Variants in MMP26 observed in about 807,000 individuals in gnomAD.
The protein encoded by MMP26 is matrix metallopeptidase 26, also known as matrix metalloproteinase-26.
In MMP26, 33 loss-of-function variants were observed where a neutral mutation model predicts 31.0. That is an observed-to-expected ratio of 1.06 (90% CI 0.81 to 1.42). MMP26 has a LOEUF of 1.42. MMP26 is among the 40% of genes most tolerant of loss of function. The pLI is 0.00. For synonymous variants in MMP26, 122 were observed against 114.9 expected (o/e 1.06, Z -0.40); for missense variants, 347 against 316.1 (o/e 1.10, Z -0.74).
At chr11:4,742,873 T>C (rs1242323299) in intron 1 of MMP26, among the ~76,000 whole-genome samples, 1 of 152,178 alleles carries the variant, frequency 6.6e-6, no homozygotes, top group African/African-American at 2.4e-5. Flanking sequence ...AATTATTTCA[T>C]TGAATTTAAA....
At chr11:4,758,252 T>G (rs1848529103) in intron 1 of MMP26, among the ~76,000 whole-genome samples, 1 of 152,116 alleles carries the variant, frequency 6.6e-6, no homozygotes, top group Admixed American at 6.5e-5. Flanking sequence ...TGCAGGATAT[T>G]ACATATTGTA....
intron 2 of MMP26, among the ~76,000 whole-genome samples, chr11:4,936,860 G>A (rs16907537): frequency 0.1 from 15,589 of 152,118 alleles, 931 homozygotes; most frequent in Middle Eastern, 0.23. Flanking sequence ...TTTGCAGTTT[G>A]AATTTACATC....
At chr11:4,711,663 G>C (rs1847863749) in intron 1 of MMP26, 1 of 152,132 alleles carries the variant, frequency 6.6e-6, no homozygotes, top group African/African-American at 2.4e-5. Context: ...ATGTGGTCCA[G>C]CATCTGTGCA....
chr11:4,748,563 T>C (rs893161301), intron 1 of MMP26, among the ~76,000 whole-genome samples: 12 of 129,568 alleles, frequency 9.3e-5, no homozygotes, highest in African/African-American at 2.8e-4. Context: ...GCAAACTGAA[T>C]CAAACAGCAC....
chr11:4,717,974 G>C (rs1847958186), intron 1 of MMP26, among the ~76,000 whole-genome samples: 1 of 152,158 alleles, frequency 6.6e-6, no homozygotes, highest in Admixed American at 6.5e-5. Context: ...TTATACATAA[G>C]TATATGTTTT....
chr11:4,946,456 A>T, intron 2 of MMP26: 1 of 1,609,562 alleles, frequency 6.2e-7, no homozygotes, highest in Non-Finnish European at 8.5e-7. Context: ...AAGACACAGC[A>T]ATGAGAATAA....
intron 2 of MMP26, chr11:4,914,608 A>G: frequency 1.4e-6 from 1 of 740,630 alleles, no homozygotes; most frequent in Non-Finnish European, 2.2e-6. Flanking sequence ...ATCCCTGTAC[A>G]TGTTTGTTGA....
chr11:4,782,663 T>A (rs1459247049), intron 2 of MMP26, among the ~76,000 whole-genome samples: 1 of 152,170 alleles, frequency 6.6e-6, no homozygotes, highest in Non-Finnish European at 1.5e-5. Context: ...CTCCAGGGCA[T>A]GTCAGAGACC....
intron 2 of MMP26, among the ~76,000 whole-genome samples, chr11:4,804,985 AT>A (rs1413795047): frequency 5.2e-4 from 78 of 151,152 alleles, no homozygotes; most frequent in African/African-American, 1.6e-3. Context: ...AAAAAAAAAA[AT>A]GAATCAATAT....
At chr11:4,874,562 G>A (rs922312581) in intron 2 of MMP26, among the ~76,000 whole-genome samples, 1 of 124,242 alleles carries the variant, frequency 8.0e-6, no homozygotes, top group Non-Finnish European at 2.0e-5. Flanking sequence ...TGTGTGGTGT[G>A]TTGGTGTGTG....
chr11:4,722,149 C>T (rs1848021231), intron 1 of MMP26, among the ~76,000 whole-genome samples: 2 of 152,178 alleles, frequency 1.3e-5, no homozygotes, highest in Admixed American at 1.3e-4. Context: ...CCAGTTAAAC[C>T]TCTTTTCTTT....
chr11:4,786,493 CTTTTTTTTTT>C (rs66987352), intron 2 of MMP26, among the ~76,000 whole-genome samples: 35 of 60,366 alleles, frequency 5.8e-4, no homozygotes, highest in African/African-American at 2.0e-3. Flanking sequence ...TCTGCTGATC[CTTTTTTTTTT>C]TTTTTTTTTT....
At chr11:4,842,830 C>T (rs917090672) in intron 2 of MMP26, among the ~76,000 whole-genome samples, 4 of 152,178 alleles carry the variant, frequency 2.6e-5, no homozygotes, top group Non-Finnish European at 5.9e-5. Flanking sequence ...AAGTTTCTCA[C>T]ACTGGTGAAC....
intron 1 of MMP26, among the ~76,000 whole-genome samples, chr11:4,730,927 C>A (rs1016183302): frequency 5.3e-5 from 8 of 152,138 alleles, no homozygotes; most frequent in African/African-American, 1.2e-4. Context: ...ATGCACCATT[C>A]TTTATTATTT....
chr11:4,974,731 G>A (rs1846712922), intron 2 of MMP26, among the ~76,000 whole-genome samples: 1 of 152,038 alleles, frequency 6.6e-6, no homozygotes, highest in African/African-American at 2.4e-5. Context: ...ATCCTAGGAA[G>A]GATTTTTATG....
At chr11:4,846,889 A>T (rs1164646963) in intron 2 of MMP26, among the ~76,000 whole-genome samples, 1 of 152,150 alleles carries the variant, frequency 6.6e-6, no homozygotes. Flanking sequence ...GATGCTTACA[A>T]CTACAGCATT....
intron 2 of MMP26, among the ~76,000 whole-genome samples, chr11:4,815,085 A>G (rs1440290755): frequency 6.6e-6 from 1 of 152,244 alleles, no homozygotes; most frequent in Non-Finnish European, 1.5e-5. Flanking sequence ...TAATAGGAAG[A>G]TAAGAGACAA....
At chr11:4,768,940 C>G in intron 2 of MMP26, 1 of 1,383,344 alleles carries the variant, frequency 7.2e-7, no homozygotes, top group Non-Finnish European at 9.7e-7. Flanking sequence ...CAGTGCAAGT[C>G]ATTCATGCCA....
intron 2 of MMP26, among the ~76,000 whole-genome samples, chr11:4,823,357 G>A (rs537444384): frequency 1.3e-5 from 2 of 152,106 alleles, no homozygotes; most frequent in African/African-American, 4.8e-5. Context: ...CAAAGTCCTA[G>A]TCCATGTATA....
Sources: gnomAD v4.1 joint callset for allele counts (sites outside exome capture counted in the v4.1 genomes callset) on GRCh38, gnomAD v4.1.1 for gene constraint, MANE v1.5 for transcripts, NCBI Gene and HGNC (gene_info 2026-07-23, HGNC 2026-07-21) for gene names.